Variants in MAPKAPK5 observed in about 807,000 individuals in gnomAD.
The protein encoded by MAPKAPK5 is MAP kinase-activated protein kinase 5.
A neutral mutation model predicts 65.1 loss-of-function variants in MAPKAPK5; 30 were observed. The ratio of observed to expected loss-of-function variants is 0.46; its 90% confidence interval spans 0.34 to 0.63. The LOEUF (loss-of-function observed/expected upper bound fraction) is 0.63. Ranked by LOEUF, MAPKAPK5 falls within the 20% of genes least tolerant of loss-of-function variation. The pLI is 0.01. For missense variants in MAPKAPK5, 433 were observed against 581.4 expected (o/e 0.74, Z 2.63); for synonymous variants, 179 against 204.6 (o/e 0.87, Z 1.07).
At chr12:111,882,442 C>T (rs913569923) in intron 8 of MAPKAPK5, among the ~76,000 whole-genome samples, 6 of 152,166 alleles carry the variant, frequency 3.9e-5, no homozygotes, top group Non-Finnish European at 5.9e-5. Context: ...ATGCAGAGCA[C>T]CGCACAGCTG....
At position 111,888,993 on chromosome 12, in the gene MAPKAPK5, C is replaced by A. The variant is rs1165855937; in HGVS notation, c.1209C>A (p.Pro403=). 2.5e-6 allele frequency: 4 copies of A among 1,578,570 alleles called. No homozygotes were observed. In the African/African-American group the frequency reaches 5.4e-5, roughly 21 times the overall value. The change falls in exon 12 of 14, where the codon CCC becomes CCA. Residue 403 remains proline, a synonymous_variant. Coordinates refer to ENST00000550735, the MANE Select transcript of MAPKAPK5 (RefSeq NM_003668.4). ...ATGTGATTGCTCAGTGTATTCTCCC[C>A]CAGGCTGGTAAAGGTCACACCATTT... ...LRDVIAQCIL[P]QAGENEDEKL... is the part of the protein sequence containing the mutation.
In MAPKAPK5 at chr12:111,901,651, G is replaced by A; in HGVS notation, c.*8590G>A. ...CCACAGAAGAAAAAGAAGAGAAGGA[G>A]GAAGAAAAAGAAGAGGAGGAGGAGG... is the stretch of plus-strand genomic sequence containing the variant. On this transcript the variant is annotated 3_prime_UTR_variant, in exon 14 of 14. Transcript: ENST00000550735. The A allele has an allele frequency of 5.8e-4, 137 of 235,622 alleles. No individual in the cohort carries two copies. Among genetic ancestry groups the A allele is most frequent in the South Asian group, 1.5e-3 (32 of 20,878 alleles). The allele number at this position is 235,622 out of a possible 1,614,324, so 14.6% of individuals were successfully genotyped here.
intron 10 of MAPKAPK5, 76 bp from the exon 11 acceptor site, chr12:111,888,407 TTTTCC>T: frequency 6.4e-7 from 1 of 1,559,256 alleles, no homozygotes; most frequent in East Asian, 2.2e-5. Context: ...TACTTTGAGC[TTTTCC>T]TTTCCACTTT....
chr12:111,865,834 CAAAAAAAAAAAA>C (rs1157723498), intron 2 of MAPKAPK5, among the ~76,000 whole-genome samples: 1 of 57,420 alleles, frequency 1.7e-5, no homozygotes, highest in African/African-American at 6.3e-5. Context: ...GATTCTGTCT[CAAAAAAAAAAAA>C]AAAAAAAAAA....
intron 1 of MAPKAPK5, among the ~76,000 whole-genome samples, chr12:111,846,348 G>C (rs2068905587): frequency 6.6e-6 from 1 of 152,196 alleles, no homozygotes; most frequent in African/African-American, 2.4e-5. Context: ...CTTGCTGCCA[G>C]ACTACCTGAG....
At chr12:111,852,178 A>G (rs976795881) in intron 1 of MAPKAPK5, among the ~76,000 whole-genome samples, 2 of 152,196 alleles carry the variant, frequency 1.3e-5, no homozygotes, top group Non-Finnish European at 2.9e-5. Flanking sequence ...AAGAAGGATT[A>G]GTATTGTATA....
At chr12:111,872,037 A>G (rs540550187) in intron 7 of MAPKAPK5, among the ~76,000 whole-genome samples, 1 of 152,360 alleles carries the variant, frequency 6.6e-6, no homozygotes, top group South Asian at 2.1e-4. Context: ...ATTGCCAAGT[A>G]GTATTTCATT....
intron 1 of MAPKAPK5, among the ~76,000 whole-genome samples, chr12:111,858,318 T>A (rs1048285532): frequency 1.3e-5 from 2 of 152,176 alleles, no homozygotes; most frequent in Non-Finnish European, 2.9e-5. Context: ...TTCATCAAGT[T>A]GGGGAAGGTT....
intron 5 of MAPKAPK5, among the ~76,000 whole-genome samples, chr12:111,869,995 A>G (rs898937185): frequency 6.6e-6 from 1 of 151,998 alleles, no homozygotes; most frequent in African/African-American, 2.4e-5. Context: ...CATTTTTCCC[A>G]TTTCTTACAG....
At chr12:111,874,533 G>A (rs1217759043) in intron 7 of MAPKAPK5, among the ~76,000 whole-genome samples, 37 of 147,270 alleles carry the variant, frequency 2.5e-4, no homozygotes, top group African/African-American at 8.3e-4. Flanking sequence ...GTGCAGTGGC[G>A]CAATCTCAGC....
intron 1 of MAPKAPK5, among the ~76,000 whole-genome samples, chr12:111,851,116 T>C (rs1000960113): frequency 9.9e-5 from 15 of 152,144 alleles, no homozygotes; most frequent in African/African-American, 3.6e-4. Context: ...CAGGCTGGTC[T>C]TGAACTCCTA....
chr12:111,890,195 G>C, intron 13 of MAPKAPK5, 51 bp downstream of exon 13: 2 of 1,322,858 alleles, frequency 1.5e-6, no homozygotes, highest in Non-Finnish European at 2.1e-6. Context: ...AAGTGATTAT[G>C]TTTAGAACAT....
intron 8 of MAPKAPK5, among the ~76,000 whole-genome samples, chr12:111,882,609 A>G (rs2070274153): frequency 6.6e-6 from 1 of 152,178 alleles, no homozygotes; most frequent in South Asian, 2.1e-4. Flanking sequence ...CTAAAATAGG[A>G]GTCCTTTATG....
At chr12:111,850,835 G>C (rs537857566) in intron 1 of MAPKAPK5, among the ~76,000 whole-genome samples, 30 of 151,586 alleles carry the variant, frequency 2.0e-4, no homozygotes, top group African/African-American at 7.3e-4. Context: ...CAAGGGAGAA[G>C]ATAAAACACC....
chr12:111,856,664 C>G (rs2069250975), intron 1 of MAPKAPK5, among the ~76,000 whole-genome samples: 1 of 152,114 alleles, frequency 6.6e-6, no homozygotes, highest in Non-Finnish European at 1.5e-5. Context: ...GCCTTGGCCT[C>G]CCAAAATGCC....
Position 111,868,846 on chromosome 12 carries a change from C to A in MAPKAPK5, c.378C>A (p.Ser126Arg). Residue 126 changes from serine (S) to arginine (R), a missense_variant, in exon 5 of 14, where the codon AGC becomes AGA. Coordinates refer to ENST00000550735, the MANE Select transcript of MAPKAPK5 (RefSeq NM_003668.4). The part of the protein sequence containing the change: ...QHRHFTEKQA[S>R]QVTKQIALAL... The stretch of plus-strand genomic sequence containing the variant: ...GGCACTTTACAGAGAAGCAAGCCAG[C>A]CAAGTAACAAAGCAGGCAAGTTAAC... 6.4e-7 allele frequency: 1 copy of A among 1,559,804 alleles called. No individual in the cohort carries two copies. Among genetic ancestry groups the A allele is most frequent in the Non-Finnish European group, 8.7e-7 (1 of 1,151,986 alleles).
At position 111,842,311 on chromosome 12, in the gene MAPKAPK5, G is replaced by A. The variant is rs2068740565; in HGVS notation, c.-423G>A. On this transcript the variant is annotated 5_prime_UTR_variant, in exon 1 of 14. It adds an upstream start codon to the 5' untranslated region. Coordinates refer to ENST00000550735, the MANE Select transcript of MAPKAPK5 (RefSeq NM_003668.4). Reference sequence around the variant, plus strand: ...CGGCTTCGGCTTCGGCTTCGCGGCGGTGCAGGCGGCGGAGGCGGAGGCGCA... The same window carrying A: ...CGGCTTCGGCTTCGGCTTCGCGGCGATGCAGGCGGCGGAGGCGGAGGCGCA... The A allele has an allele frequency of 5.2e-5, 8 of 155,164 alleles. No homozygotes were observed. In the South Asian group the frequency reaches 1.5e-3, roughly 30 times the overall value. 9.6% of individuals were successfully genotyped at this position (155,164 alleles called of 1,614,324 possible). A position where few individuals can be genotyped will look rare whatever the true frequency, so the allele number is the denominator to read the frequency against.
chr12:111,843,481 T>C (rs2068800408), intron 1 of MAPKAPK5: 3 of 389,068 alleles, frequency 7.7e-6, no homozygotes, highest in Admixed American at 8.9e-5. Context: ...GGGCCAGTTA[T>C]CTGTCTTGAC....
intron 7 of MAPKAPK5, among the ~76,000 whole-genome samples, chr12:111,877,618 A>G (rs1645235049): frequency 6.6e-6 from 1 of 152,104 alleles, no homozygotes; most frequent in Non-Finnish European, 1.5e-5. Flanking sequence ...TATTTACAAA[A>G]TTGGGTTGTT....
Sources: allele counts gnomAD v4.1 joint callset (sites outside exome capture counted in the v4.1 genomes callset), GRCh38; gene constraint gnomAD v4.1.1; transcripts MANE v1.5; gene names NCBI Gene and HGNC (gene_info 2026-07-23, HGNC 2026-07-21).